CPSF1: variants seen among roughly 807,000 people sequenced by gnomAD.
CPSF1 encodes the protein cleavage and polyadenylation specific factor 1, also known as cleavage and polyadenylation specificity factor subunit 1.
CPSF1 carries 106 observed loss-of-function variants against 175.8 expected under a neutral mutation model. That is an observed-to-expected ratio of 0.60 (90% CI 0.52 to 0.71). The LOEUF (loss-of-function observed/expected upper bound fraction) is 0.71, where lower values mean the gene tolerates loss of function less well. Among genes scored for constraint, CPSF1 ranks in the 30% least tolerant of loss-of-function variants. The pLI is 0.00. For synonymous variants in CPSF1, 1,024 were observed against 858.3 expected (o/e 1.19, Z -3.37); for missense variants, 1,734 against 2,022.9 (o/e 0.86, Z 2.74).
At chr8:144,402,204 C>T (rs2116889885) in intron 2 of CPSF1, among the ~76,000 whole-genome samples, 1 of 152,368 alleles carries the variant, frequency 6.6e-6, no homozygotes, top group East Asian at 1.9e-4. Context: ...TGATAAGAGG[C>T]TGTGTGTTCT....
In CPSF1 at chr8:144,396,627, A is replaced by G. The variant is rs1554863868; in HGVS notation, c.2797T>C (p.Tyr933His). Residue 933 changes from tyrosine (Y) to histidine (H), a missense_variant, in exon 25 of 38, where the codon TAC becomes CAC. Around this residue, in one of 10 missense-constraint regions of CPSF1, gnomAD observed 585 missense variants for 584.7 expected, o/e 1.00. Transcript: ENST00000616140. ...GARGRVARFRYFEDIYGYSGV... is the reference protein window; with the variant it reads ...GARGRVARFRHFEDIYGYSGV... ...GAGTAGCCATAAATATCCTCGAAGT[A>G]GCGGAAACGCGCCACGCGGCCCCGG... The G allele has an allele frequency of 1.2e-6, 2 of 1,613,622 alleles. No individual in the cohort carries two copies. The highest frequency in any genetic ancestry group is 3.3e-5 in the Admixed American group (2 of 60,008).
chr8:144,396,991 A>G, intron 23 of CPSF1, 62 bp from the exon 24 acceptor site: 1 of 1,206,938 alleles, frequency 8.3e-7, no homozygotes, highest in South Asian at 1.2e-5. Flanking sequence ...GGGATGGGCC[A>G]TGGGAAGAGG....
chr8:144,404,408 C>T (rs945487907), intron 2 of CPSF1, among the ~76,000 whole-genome samples: 1 of 151,746 alleles, frequency 6.6e-6, no homozygotes, highest in Admixed American at 6.6e-5. Context: ...GCTCTGTCGC[C>T]AGGCTAGAGT....
In CPSF1 at chr8:144,393,718, G is replaced by A. The variant is rs781861337; in HGVS notation, c.4094C>T (p.Ala1365Val). The change falls in exon 36 of 38, where the codon GCG becomes GTG. Residue 1365 changes from alanine (A) to valine (V), a missense_variant. Around this residue, in one of 10 missense-constraint regions of CPSF1, gnomAD observed 323 missense variants for 338.5 expected, o/e 0.95. Transcript: ENST00000616140. ...GTGGTGTGGCAGCATGGTGGTCAGC[G>A]CGTTCTGCAGCATCAGCAGCCGCCG... Reference protein sequence around the residue: ...TYRRLLMLQNALTTMLPHHAG... With the variant: ...TYRRLLMLQNVLTTMLPHHAG... 5.1e-6 allele frequency: 8 copies of A among 1,569,068 alleles called. No homozygotes were observed. The highest frequency in any genetic ancestry group is 3.7e-5 in the Admixed American group (2 of 53,746).
chr8:144,398,073 C>T lies in CPSF1; in HGVS notation c.1954G>A (p.Ala652Thr). Reference protein sequence around the residue: ...LGAPIVQCAVADPYVVIMSAE... With the variant: ...LGAPIVQCAVTDPYVVIMSAE... The stretch of plus-strand genomic sequence containing the variant: ...CTCATGATGACCACATAGGGGTCGG[C>T]CACGGCGCACTGCACGATGGGGGCG... The change falls in exon 20 of 38, where the codon GCC (alanine) becomes ACC (threonine). Residue 652 changes from alanine (A) to threonine (T), a missense_variant. Physicochemically the swap from Ala to Thr is moderately conservative, Grantham distance 58. This residue lies in a region of CPSF1 where 280 missense variants were observed against 349.2 expected (regional missense o/e 0.80). Coordinates refer to ENST00000616140, the MANE Select transcript of CPSF1 (RefSeq NM_013291.3). The T allele has an allele frequency of 6.2e-7, 1 of 1,611,924 alleles. No homozygotes were observed.
In CPSF1 at chr8:144,398,381, GGGGC is replaced by G; in HGVS notation, c.1811_1814del (p.Gly604AlafsTer28). ...CCCCGATGTTCCCAGCAAAGACCGT[GGGGC>G]CCTGAGTGGCGAAGCCACTGGTGTC... is the stretch of plus-strand genomic sequence containing the variant. On this transcript the variant is annotated frameshift_variant, in exon 19 of 38. Coordinates refer to ENST00000616140, the MANE Select transcript of CPSF1 (RefSeq NM_013291.3). LOFTEE classifies it high-confidence loss of function. 6.2e-7 allele frequency: 1 copy of G among 1,613,786 alleles called. No individual in the cohort carries two copies. The highest frequency in any genetic ancestry group is 8.5e-7 in the Non-Finnish European group (1 of 1,179,992).
chr8:144,394,819 T>TGGGATGGCTGTG lies in CPSF1; in HGVS notation c.3415-35_3415-24dup, dbSNP rs782069957. 22 of 1,612,192 alleles carry TGGGATGGCTGTG rather than the reference T, an allele frequency of 1.4e-5. No homozygotes were observed. The African/African-American group carries it at 2.9e-4, about 22-fold the overall frequency. ...GATCTGGAGGGCATGGGTATGGCTG[T>TGGGATGGCTGTG]GGGATGGCTGTGGGGATGGCAGAGG... On this transcript the variant is annotated intron_variant, in intron 30 of 37. Coordinates refer to ENST00000616140, the MANE Select transcript of CPSF1 (RefSeq NM_013291.3).
In CPSF1 at chr8:144,394,675, T is replaced by C. The variant is rs782589058; in HGVS notation, c.3536A>G (p.Asn1179Ser). The C allele has an allele frequency of 1.9e-6, 3 of 1,611,354 alleles. No homozygotes were observed. The highest frequency in any genetic ancestry group is 2.2e-5 in the East Asian group (1 of 44,828). Residue 1179 changes from asparagine (N) to serine (S), a missense_variant, in exon 31 of 38, where the codon AAT becomes AGT. Physicochemically the swap from Asn to Ser is conservative, Grantham distance 46 (BLOSUM62 1). This residue lies in a region of CPSF1 where 62 missense variants were observed against 124.5 expected (regional missense o/e 0.50). Coordinates refer to ENST00000616140, the MANE Select transcript of CPSF1 (RefSeq NM_013291.3). ...GCCGATGGCCGACACCAGGTGGCCA[T>C]TGCAGTGGCACAGGGCGGTCACGGG... ...KGPVTALCHC[N>S]GHLVSAIGQK...
chr8:144,398,137 A>T lies in CPSF1; in HGVS notation c.1895-5T>A. 1.4e-6 allele frequency: 2 copies of T among 1,469,934 alleles called. No homozygotes were observed. The highest frequency in any genetic ancestry group is 1.8e-4 in the Middle Eastern group (1 of 5,490). 91.1% of individuals were successfully genotyped at this position (1,469,934 alleles called of 1,614,324 possible). The stretch of plus-strand genomic sequence containing the variant: ...GGATGAAGTGCAGCTGATTCACTGT[A>T]GGCATGGGGCAGTCAGCATGCGCCT... On this transcript the variant is annotated splice_polypyrimidine_tract_variant and splice_region_variant and intron_variant, in intron 19 of 37. Transcript: ENST00000616140.
intron 25 of CPSF1, 43 bp downstream of exon 25, chr8:144,396,555 C>T (rs201525553): frequency 5.6e-6 from 9 of 1,607,884 alleles, no homozygotes; most frequent in Middle Eastern, 1.7e-4. Flanking sequence ...GATGAGGCCG[C>T]GTCTCCCTTC....
chr8:144,399,687 G>C lies in CPSF1; in HGVS notation c.1143C>G (p.Tyr381Ter). 1 of 1,610,334 alleles carries C rather than the reference G, an allele frequency of 6.2e-7. No homozygotes were observed. The highest frequency in any genetic ancestry group is 8.5e-7 in the Non-Finnish European group (1 of 1,178,436). The change falls in exon 12 of 38, where the codon TAC becomes TAG. Residue 381 changes from tyrosine (Y) to a stop codon, truncating the protein, a stop_gained. Transcript: ENST00000616140. LOFTEE classifies it high-confidence loss of function. This position sits in a 1 kb window ranked among gnomAD's most constrained non-coding sequence, Gnocchi z 6.4. ...TGCCCAGGCGAGAACCCAGGAACAGGTACCCGGGCTCCATGGTGACCATCT... is the reference window on the plus strand; with the variant it reads ...TGCCCAGGCGAGAACCCAGGAACAGCTACCCGGGCTCCATGGTGACCATCT... The part of the protein sequence containing the change: ...TTSMVTMEPG[Y>*]LFLGSRLGNS...
In CPSF1 at chr8:144,397,809, C is replaced by T. The variant is rs782562312; in HGVS notation, c.2144G>A (p.Gly715Asp). 2.0e-5 allele frequency: 33 copies of T among 1,611,036 alleles called. No homozygotes were observed. Among genetic ancestry groups the T allele is most frequent in the Non-Finnish European group, 2.8e-5 (33 of 1,179,374 alleles). Residue 715 changes from glycine to aspartate, a missense_variant, in exon 21 of 38, where the codon GGT (glycine) becomes GAT (aspartate). Gly to Asp is a moderately conservative substitution (Grantham distance 94, BLOSUM62 -1). Transcript: ENST00000616140. ...SGMFTTESRL[G>D]GARDELGGRS... ...GCCCCCGAGCTCGTCACGGGCCCCA[C>T]CCAGGCGGCTCTCAGTGGTGAACAT... is the stretch of plus-strand genomic sequence containing the variant.
In CPSF1 at chr8:144,397,545, G is replaced by C; in HGVS notation, c.2327C>G (p.Pro776Arg). The change falls in exon 22 of 38, where the codon CCC becomes CGC. Residue 776 changes from proline to arginine, a missense_variant. Transcript: ENST00000616140. ...SQPPADRDPA[P>R]FRAEPTHWCL... The stretch of plus-strand genomic sequence containing the variant: ...CCAGTGGGTAGGCTCTGCCCGGAAG[G>C]GTGCAGGGTCCCGGTCAGCAGGGGG... 6.4e-7 allele frequency: 1 copy of C among 1,564,382 alleles called. No individual in the cohort carries two copies. The highest frequency in any genetic ancestry group is 8.7e-7 in the Non-Finnish European group (1 of 1,149,278).
intron 23 of CPSF1, 132 bp from the exon 24 acceptor site, chr8:144,397,061 G>A (rs1174429388): frequency 1.1e-6 from 1 of 919,036 alleles, no homozygotes; most frequent in African/African-American, 1.7e-5. Flanking sequence ...GAAGGGGCGG[G>A]GCTGTGAGGG....
chr8:144,400,074 C>G lies in CPSF1; in HGVS notation c.949G>C (p.Gly317Arg), dbSNP rs1554865949. ...GCGCAGTCCAGGGTGATCCGCACAC[C>G]CTCCTGGGTGCCTGTGGGGTGGGTG... ...TTAFPLRTQE[G>R]VRITLDCAQA... The change falls in exon 10 of 38, where the codon GGT becomes CGT. Residue 317 changes from glycine to arginine, a missense_variant. Physicochemically the swap from Gly to Arg is moderately radical, Grantham distance 125. Transcript: ENST00000616140. 6.2e-7 allele frequency: 1 copy of G among 1,611,542 alleles called. No homozygotes were observed. The highest frequency in any genetic ancestry group is 1.3e-5 in the African/African-American group (1 of 74,722).
rs1196328604 is a variant in CPSF1, at chr8:144,397,190, A to T, written c.2592+17T>A. ...AGGGGGAAGATGGGAAGGGGAGGCC[A>T]GGCCAGGCGCACTCACCAGCAGGTA... is the stretch of plus-strand genomic sequence containing the variant. On this transcript the variant is annotated intron_variant, in intron 23 of 37. Coordinates refer to ENST00000616140, the MANE Select transcript of CPSF1 (RefSeq NM_013291.3). 40 of 1,524,244 alleles carry T rather than the reference A, an allele frequency of 2.6e-5. No individual in the cohort carries two copies. In the Admixed American group the frequency reaches 7.5e-4, roughly 29 times the overall value. The allele number at this position is 1,524,244 out of a possible 1,614,324, so 94.4% of individuals were successfully genotyped here.
chr8:144,395,558 TG>T lies in CPSF1; in HGVS notation c.2980-8del. On this transcript the variant is annotated splice_polypyrimidine_tract_variant and splice_region_variant and intron_variant, in intron 26 of 37. Transcript: ENST00000616140. ...CACTGATCCTCAGCTCGCCCTGGGG[TG>T]GGGGCACAGGGGTCAGGGGATCCAG... 5 of 208,588 alleles carry T rather than the reference TG, an allele frequency of 2.4e-5. No homozygotes were observed. The highest frequency in any genetic ancestry group is 4.6e-5 in the Non-Finnish European group (5 of 107,528). 12.9% of individuals were successfully genotyped at this position (208,588 alleles called of 1,614,324 possible).
chr8:144,397,110 G>A (rs1820819115), intron 23 of CPSF1, 97 bp downstream of exon 23: 2 of 1,227,736 alleles, frequency 1.6e-6, no homozygotes, highest in African/African-American at 3.1e-5. Flanking sequence ...GGGCCGTGGG[G>A]GAGATGGGGT....
At position 144,399,398 on chromosome 8, in the gene CPSF1, C is replaced by A; in HGVS notation, c.1295-25G>T. ...GCTGCACACAGAGAGCCCACTTGAG[C>A]GCAGCCCTGGGTCACCTGGCCCCGC... On this transcript the variant is annotated intron_variant, in intron 13 of 37. Transcript: ENST00000616140. This position sits in a 1 kb window ranked among gnomAD's most constrained non-coding sequence, Gnocchi z 6.4. 1 of 1,612,772 alleles carries A rather than the reference C, an allele frequency of 6.2e-7. No individual in the cohort carries two copies. The highest frequency in any genetic ancestry group is 1.3e-5 in the African/African-American group (1 of 75,060).
Sources: allele counts gnomAD v4.1 joint callset (sites outside exome capture counted in the v4.1 genomes callset), GRCh38; gene constraint gnomAD v4.1.1; regional missense constraint gnomAD v4.1.1; non-coding constraint Gnocchi (gnomAD v3.1); transcripts MANE v1.5; gene names NCBI Gene and HGNC (gene_info 2026-07-23, HGNC 2026-07-21).